DARS1: variants seen among roughly 807,000 people sequenced by gnomAD.
DARS1 encodes aspartate--tRNA ligase, cytoplasmic.
A neutral mutation model predicts 68.8 loss-of-function variants in DARS1; 51 were observed. The observed-to-expected ratio is 0.74, with a 90% confidence interval of 0.59 to 0.94. The LOEUF (loss-of-function observed/expected upper bound fraction) is 0.94. Among genes scored for constraint, DARS1 ranks in the 40% least tolerant of loss-of-function variants. The pLI is 0.00. For synonymous variants in DARS1, 203 were observed against 190.4 expected, an observed-to-expected ratio of 1.07 and a Z score of -0.55; for missense variants, 607 against 597.3, an observed-to-expected ratio of 1.02 and a Z score of -0.17.
chr2:135,934,103 A>T, intron 5 of DARS1, 113 bp from the exon 6 acceptor site: 1 of 1,420,688 alleles, frequency 7.0e-7, no homozygotes, highest in Non-Finnish European at 9.3e-7. Flanking sequence ...ATACATCTTT[A>T]ATTGAAACTA....
At chr2:135,950,083 C>G (rs1413702109) in intron 4 of DARS1, among the ~76,000 whole-genome samples, 1 of 152,118 alleles carries the variant, frequency 6.6e-6, no homozygotes, top group Non-Finnish European at 1.5e-5. Context: ...TTTTTTCCAC[C>G]TGGTATATGG....
At chr2:135,953,439 T>C (rs879271443) in intron 4 of DARS1, among the ~76,000 whole-genome samples, 7 of 152,244 alleles carry the variant, frequency 4.6e-5, no homozygotes, top group Non-Finnish European at 1.0e-4. Flanking sequence ...ACACAGCTGC[T>C]TTTTTGAGTG....
intron 9 of DARS1, among the ~76,000 whole-genome samples, chr2:135,921,950 T>C (rs1226258834): frequency 6.6e-6 from 1 of 152,212 alleles, no homozygotes. Context: ...CCAGTTTCTC[T>C]ATTAGCAAGT....
intron 3 of DARS1, among the ~76,000 whole-genome samples, chr2:135,963,571 C>T (rs1682146529): frequency 6.6e-6 from 1 of 152,056 alleles, no homozygotes. Flanking sequence ...GGGGTTTCAC[C>T]ATGTTGGCCA....
chr2:135,932,993 C>A (rs1002096080), intron 6 of DARS1, 151 bp from the exon 7 acceptor site: 51 of 538,434 alleles, frequency 9.5e-5, no homozygotes, highest in Admixed American at 3.3e-5. Flanking sequence ...GGTAGAAACA[C>A]AAAGTGCGGC....
At chr2:135,938,324 G>A (rs1681516023) in intron 5 of DARS1, among the ~76,000 whole-genome samples, 1 of 152,132 alleles carries the variant, frequency 6.6e-6, no homozygotes, top group African/African-American at 2.4e-5. Flanking sequence ...CCTGTGCCAT[G>A]GTTTTCAGCT....
chr2:135,957,785 T>G (rs1003623799), intron 4 of DARS1, among the ~76,000 whole-genome samples: 3 of 152,174 alleles, frequency 2.0e-5, no homozygotes, highest in African/African-American at 7.2e-5. Flanking sequence ...ATTAATCACT[T>G]AAATAAGTTC....
chr2:135,908,861 T>C (rs1680839173), intron 15 of DARS1, among the ~76,000 whole-genome samples: 1 of 152,178 alleles, frequency 6.6e-6, no homozygotes, highest in African/African-American at 2.4e-5. Flanking sequence ...CTATTCACAA[T>C]AGCAAAGACA....
intron 15 of DARS1, among the ~76,000 whole-genome samples, chr2:135,909,920 C>T (rs552440446): frequency 6.6e-6 from 1 of 152,242 alleles, no homozygotes; most frequent in Non-Finnish European, 1.5e-5. Context: ...TGGAGCACTT[C>T]AGATTTCTAG....
chr2:135,935,973 C>T (rs1293682719), intron 5 of DARS1, among the ~76,000 whole-genome samples: 2 of 152,114 alleles, frequency 1.3e-5, no homozygotes, highest in African/African-American at 4.8e-5. Context: ...TCTAGGATTC[C>T]CTTTGACAAG....
chr2:135,985,561 C>A lies in DARS1; in HGVS notation c.-93G>T, dbSNP rs747104505. 3.8e-6 allele frequency: 6 copies of A among 1,595,342 alleles called. No individual in the cohort carries two copies. In the Admixed American group the frequency reaches 8.9e-5, roughly 24 times the overall value. Reference sequence around the variant, plus strand: ...CTTCTCCCTCCCTCCCAGTCTCCGCCCTCCCGACCCTGGGGTCTCAGCACA... The same window carrying A: ...CTTCTCCCTCCCTCCCAGTCTCCGCACTCCCGACCCTGGGGTCTCAGCACA... On this transcript the variant is annotated 5_prime_UTR_variant, in exon 1 of 16. Transcript: ENST00000264161.
In DARS1 at chr2:135,924,508, A is replaced by G. The variant is rs751578512; in HGVS notation, c.565-10T>C. Reference sequence around the variant, plus strand: ...CCTGACTAGTTGATGTCTAGAAGACAGTAATAAAATCTAATTAAATCAACG... The same window carrying G: ...CCTGACTAGTTGATGTCTAGAAGACGGTAATAAAATCTAATTAAATCAACG... On this transcript the variant is annotated splice_polypyrimidine_tract_variant and intron_variant, in intron 7 of 15. Transcript: ENST00000264161. 6.3e-7 allele frequency: 1 copy of G among 1,598,988 alleles called. No individual in the cohort carries two copies. The highest frequency in any genetic ancestry group is 1.1e-5 in the South Asian group (1 of 87,522).
rs146733208 is a variant in DARS1 at position 135,952,889 on chromosome 2, T to C, written c.320+8507A>G. On this transcript the variant is annotated intron_variant, in intron 4 of 15. Coordinates refer to ENST00000264161, the MANE Select transcript of DARS1 (RefSeq NM_001349.4). ...AATCATTTCATTTCCTTTGAATAAT[T>C]ACCCCATAATGGGATTACTGGATCA... 1.2e-4 allele frequency among the ~76,000 whole-genome samples: 19 copies of C among 152,344 alleles called. No individual in the cohort carries two copies. In the East Asian group the frequency reaches 3.5e-3, roughly 28 times the overall value.
chr2:135,972,186 C>T (rs982616393), intron 3 of DARS1, among the ~76,000 whole-genome samples: 9 of 152,186 alleles, frequency 5.9e-5, no homozygotes, highest in South Asian at 2.1e-4. Flanking sequence ...AATTATACTA[C>T]GGAGCTATAG....
chr2:135,930,499 G>A (rs1033071039), intron 7 of DARS1, among the ~76,000 whole-genome samples: 6 of 152,052 alleles, frequency 3.9e-5, no homozygotes, highest in Non-Finnish European at 8.8e-5. Context: ...CCCAAGGGAG[G>A]GCATCCCTAT....
intron 13 of DARS1, chr2:135,911,699 A>AC: frequency 6.9e-6 from 3 of 434,890 alleles, no homozygotes; most frequent in Admixed American, 4.1e-5. Flanking sequence ...CTCCTCCCAC[A>AC]CCCCCCAATA....
chr2:135,939,301 C>T (rs1215876117), intron 5 of DARS1, among the ~76,000 whole-genome samples: 1 of 152,174 alleles, frequency 6.6e-6, no homozygotes, highest in Non-Finnish European at 1.5e-5. Flanking sequence ...GAAATTATAA[C>T]AAACTGTCTC....
At chr2:135,951,747 C>T (rs987954359) in intron 4 of DARS1, among the ~76,000 whole-genome samples, 1 of 152,182 alleles carries the variant, frequency 6.6e-6, no homozygotes, top group African/African-American at 2.4e-5. Flanking sequence ...CATACCCATC[C>T]ACATCTGGTG....
chr2:135,985,541 C>A lies in DARS1; in HGVS notation c.-73G>T. The A allele has an allele frequency of 6.2e-7, 1 of 1,609,400 alleles. No individual in the cohort carries two copies. Among genetic ancestry groups the A allele is most frequent in the Non-Finnish European group, 8.5e-7 (1 of 1,178,086 alleles). ...CGTAAGGCAGGCCAAAGGGGCTTCT[C>A]CCTCCCTCCCAGTCTCCGCCCTCCC... is the stretch of plus-strand genomic sequence containing the variant. On this transcript the variant is annotated 5_prime_UTR_variant, in exon 1 of 16. Coordinates refer to ENST00000264161, the MANE Select transcript of DARS1 (RefSeq NM_001349.4).
Sources: gnomAD v4.1 joint callset for allele counts (sites outside exome capture counted in the v4.1 genomes callset) on GRCh38, gnomAD v4.1.1 for gene constraint, MANE v1.5 for transcripts, NCBI Gene and HGNC (gene_info 2026-07-23, HGNC 2026-07-21) for gene names.